Variants in GRIN2A observed in about 807,000 individuals in gnomAD.
GRIN2A encodes the protein glutamate ionotropic receptor NMDA type subunit 2A.
GRIN2A carries 22 observed loss-of-function variants against 113.4 expected under a neutral mutation model. The observed-to-expected ratio is 0.19, with a 90% CI of 0.14 to 0.28. The LOEUF is 0.28. Among genes scored for constraint, GRIN2A ranks in the 10% least tolerant of loss-of-function variants. The pLI is 1.00. For synonymous variants in GRIN2A, 827 were observed against 738.4 expected, an observed-to-expected ratio of 1.12 and a Z score of -1.94; for missense variants, 1,502 against 1,887.0, an observed-to-expected ratio of 0.80 and a Z score of 3.78.
chr16:9,999,494 A>G (rs2046284893), intron 2 of GRIN2A, among the ~76,000 whole-genome samples: 1 of 152,206 alleles, frequency 6.6e-6, no homozygotes, highest in African/African-American at 2.4e-5. Flanking sequence ...ACACAAGAAC[A>G]GAAAACCAAA....
chr16:9,922,639 TA>T (rs1205356290), intron 3 of GRIN2A, among the ~76,000 whole-genome samples: 3 of 152,210 alleles, frequency 2.0e-5, no homozygotes, highest in African/African-American at 7.2e-5. Flanking sequence ...GTGACTTGGT[TA>T]ACTGAAGATG....
chr16:10,070,186 C>G (rs376594354), intron 2 of GRIN2A, among the ~76,000 whole-genome samples: 1 of 152,158 alleles, frequency 6.6e-6, no homozygotes, highest in African/African-American at 2.4e-5. Context: ...CATGGGTCCC[C>G]GAGATGCCAG....
chr16:9,937,742 A>G (rs576690866), intron 3 of GRIN2A: 14 of 577,888 alleles, frequency 2.4e-5, no homozygotes, highest in Admixed American at 5.9e-5. Context: ...TGTTGAGTAG[A>G]AAAAAAAGTT....
chr16:10,088,565 A>T (rs2048125928), intron 2 of GRIN2A, among the ~76,000 whole-genome samples: 1 of 152,214 alleles, frequency 6.6e-6, no homozygotes, highest in Non-Finnish European at 1.5e-5. Context: ...CTGTCTGGGG[A>T]ACATGCAGTT....
At chr16:10,152,134 A>C (rs913982869) in intron 2 of GRIN2A, among the ~76,000 whole-genome samples, 10 of 152,336 alleles carry the variant, frequency 6.6e-5, no homozygotes, top group African/African-American at 2.2e-4. Context: ...GGGAGGACCT[A>C]GGACTGCGCA....
At chr16:9,765,865 C>CT (rs1472852418) in intron 12 of GRIN2A, among the ~76,000 whole-genome samples, 1 of 152,212 alleles carries the variant, frequency 6.6e-6, no homozygotes, top group Non-Finnish European at 1.5e-5. Flanking sequence ...AACTGAATGA[C>CT]TTAAGGGCTC....
chr16:10,076,797 A>C (rs13336632), intron 2 of GRIN2A, among the ~76,000 whole-genome samples: 22,893 of 152,134 alleles, frequency 0.15, 2,446 homozygotes, highest in African/African-American at 0.3. Flanking sequence ...CTCAAACATC[A>C]AAGTCTCTCC....
chr16:9,894,064 G>A (rs1041968668), intron 3 of GRIN2A, among the ~76,000 whole-genome samples: 6 of 152,272 alleles, frequency 3.9e-5, no homozygotes, highest in African/African-American at 1.4e-4. Flanking sequence ...TGGGGAATCT[G>A]GGGAGGGCTT....
intron 2 of GRIN2A, among the ~76,000 whole-genome samples, chr16:10,156,015 C>T (rs1025912479): frequency 2.0e-5 from 3 of 152,172 alleles, no homozygotes; most frequent in Non-Finnish European, 4.4e-5. Context: ...AATAATCGCA[C>T]AGAAATCCAC....
At chr16:10,075,365 C>T (rs912494077) in intron 2 of GRIN2A, among the ~76,000 whole-genome samples, 2 of 151,976 alleles carry the variant, frequency 1.3e-5, no homozygotes, top group Non-Finnish European at 2.9e-5. Flanking sequence ...TTGTATGCCT[C>T]TACTTATATG....
rs2141150015 is a variant in GRIN2A at position 9,768,913 on chromosome 16, G to A, written c.2533C>T (p.Leu845=). Residue 845 remains leucine, a synonymous_variant, in exon 12 of 13, where the codon CTG becomes TTG. Coordinates refer to ENST00000330684, the MANE Select transcript of GRIN2A (RefSeq NM_001134407.3). ...CACACGCCCGTGAAACAGAAGCGCA[G>A]CTTCCAGTAGAAGAGGTGCTCCCAG... ...FIWEHLFYWK[L]RFCFTGVCSD... The A allele has an allele frequency of 6.2e-7, 1 of 1,614,220 alleles. No individual in the cohort carries two copies. Among genetic ancestry groups the A allele is most frequent in the East Asian group, 2.2e-5 (1 of 44,888 alleles).
At chr16:10,122,637 A>C (rs2048857267) in intron 2 of GRIN2A, among the ~76,000 whole-genome samples, 1 of 152,176 alleles carries the variant, frequency 6.6e-6, no homozygotes, top group African/African-American at 2.4e-5. Context: ...AAATTTTAAA[A>C]AAGGAATTAG....
intron 2 of GRIN2A, among the ~76,000 whole-genome samples, chr16:10,074,467 C>T (rs554543626): frequency 6.6e-6 from 1 of 152,118 alleles, no homozygotes; most frequent in Admixed American, 6.5e-5. Flanking sequence ...CAGCCAAAAA[C>T]TGGAAACAAT....
chr16:9,991,022 A>G (rs1441865127), intron 2 of GRIN2A, among the ~76,000 whole-genome samples: 1 of 152,116 alleles, frequency 6.6e-6, no homozygotes, highest in Admixed American at 6.6e-5. Context: ...AGCTGAGATC[A>G]CGCCACTACA....
rs1030345913 is a variant in GRIN2A, at chr16:9,920,559, G to A, written c.1007+17400C>T. Reference sequence around the variant, plus strand: ...TGTCTTGGCCTCCCTGCATATATGTGAATTGAATTTTTTTTTTTTTTTCAG... The same window carrying A: ...TGTCTTGGCCTCCCTGCATATATGTAAATTGAATTTTTTTTTTTTTTTCAG... On this transcript the variant is annotated intron_variant, in intron 3 of 12. Coordinates refer to ENST00000330684, the MANE Select transcript of GRIN2A (RefSeq NM_001134407.3). Among the ~76,000 whole-genome samples, 14 of 143,248 alleles carry A rather than the reference G, an allele frequency of 9.8e-5. No individual in the cohort carries two copies. The East Asian group carries it at 2.4e-3, about 24-fold the overall frequency. The allele number at this position is 143,248 out of a possible 152,430, so 94.0% of individuals were successfully genotyped here.
At chr16:10,068,546 G>C (rs1288689023) in intron 2 of GRIN2A, among the ~76,000 whole-genome samples, 2 of 152,228 alleles carry the variant, frequency 1.3e-5, no homozygotes, top group Non-Finnish European at 1.5e-5. Flanking sequence ...AGTACCAAGA[G>C]TGTGGCCCAA....
chr16:9,950,931 A>C (rs958554598), intron 2 of GRIN2A, among the ~76,000 whole-genome samples: 9 of 152,242 alleles, frequency 5.9e-5, no homozygotes, highest in Non-Finnish European at 1.3e-4. Context: ...GTCTTTAACG[A>C]AACCCCATGA....
intron 11 of GRIN2A, among the ~76,000 whole-genome samples, chr16:9,792,384 A>T (rs1902663209): frequency 6.6e-6 from 1 of 152,098 alleles, no homozygotes; most frequent in Non-Finnish European, 1.5e-5. Context: ...CACCATGCCC[A>T]GTAATTTAAA....
intron 2 of GRIN2A, among the ~76,000 whole-genome samples, chr16:10,031,895 G>T (rs966938574): frequency 1.3e-5 from 2 of 152,074 alleles, no homozygotes; most frequent in Admixed American, 6.6e-5. Flanking sequence ...TGATCCCTCC[G>T]GCCACAGGGC....
Sources: allele counts gnomAD v4.1 joint callset (sites outside exome capture counted in the v4.1 genomes callset), GRCh38; gene constraint gnomAD v4.1.1; transcripts MANE v1.5; gene names NCBI Gene and HGNC (gene_info 2026-07-23, HGNC 2026-07-21).